WRNIP1: variants seen among roughly 807,000 people sequenced by gnomAD.
WRNIP1 encodes the protein ATPase WRNIP1.
A neutral mutation model predicts 56.1 loss-of-function variants in WRNIP1; 41 were observed. That is an observed-to-expected ratio of 0.73 (90% CI 0.57 to 0.95). The LOEUF is 0.95. Ranked by LOEUF, WRNIP1 falls within the 40% of genes least tolerant of loss-of-function variation. The probability of loss-of-function intolerance (pLI) is 0.00; values close to 1 mark genes in which losing one functional copy is unlikely to be tolerated. For missense variants in WRNIP1, 1,170 were observed against 939.4 expected, an observed-to-expected ratio of 1.25 and a Z score of -3.21; for synonymous variants, 547 against 398.1, an observed-to-expected ratio of 1.37 and a Z score of -4.45.
rs767089025 is a variant in WRNIP1, at chr6:2,765,669, A to G, written c.47A>G (p.His16Arg). The stretch of plus-strand genomic sequence containing the variant: ...GACGACCCCTTCCTTTCGCAGCTGC[A>G]CCAGGTGCAGTGCCCCGTGTGCCAG... ...PEDDPFLSQLHQVQCPVCQQM... is the reference protein window; with the variant it reads ...PEDDPFLSQLRQVQCPVCQQM... Residue 16 changes from histidine to arginine, a missense_variant, in exon 1 of 7, where the codon CAC (histidine) becomes CGC (arginine). His to Arg is a conservative substitution (Grantham distance 29). Coordinates refer to ENST00000380773, the MANE Select transcript of WRNIP1 (RefSeq NM_020135.3). 1 of 1,552,584 alleles carries G rather than the reference A, an allele frequency of 6.4e-7. No individual in the cohort carries two copies. The highest frequency in any genetic ancestry group is 8.6e-7 in the Non-Finnish European group (1 of 1,157,592).
chr6:2,768,517 G>T (rs940818477), intron 1 of WRNIP1, among the ~76,000 whole-genome samples, 174 bp from the exon 2 acceptor site: 14 of 152,182 alleles, frequency 9.2e-5, no homozygotes, highest in Non-Finnish European at 1.6e-4. Context: ...TATTTTTGTT[G>T]TTGTTGTTTT....
At chr6:2,779,173 C>A in intron 3 of WRNIP1, 90 bp from the exon 4 acceptor site, 1 of 1,357,054 alleles carries the variant, frequency 7.4e-7, no homozygotes, top group Non-Finnish European at 1.0e-6. Context: ...CTTCAGTGTC[C>A]TTGCTGAGAA....
chr6:2,768,908 G>T (rs1161755942), intron 2 of WRNIP1, 26 bp downstream of exon 2: 9 of 1,585,076 alleles, frequency 5.7e-6, no homozygotes, highest in Non-Finnish European at 7.7e-6. Context: ...TCTACCTTTT[G>T]GTCGTTGTGA....
chr6:2,766,514 C>T (rs1389538743), intron 1 of WRNIP1, 70 bp downstream of exon 1: 24 of 1,434,378 alleles, frequency 1.7e-5, no homozygotes, highest in African/African-American at 2.8e-5. Context: ...GGTCGGAGAG[C>T]CGGGTGTGCT....
chr6:2,781,491 T>G (rs964941800), intron 4 of WRNIP1, among the ~76,000 whole-genome samples: 2 of 152,206 alleles, frequency 1.3e-5, no homozygotes, highest in African/African-American at 4.8e-5. Flanking sequence ...CCTGGAAACC[T>G]GTTAGCTTAT....
intron 3 of WRNIP1, among the ~76,000 whole-genome samples, chr6:2,778,164 C>T (rs576499179): frequency 6.6e-6 from 1 of 152,148 alleles, no homozygotes; most frequent in Non-Finnish European, 1.5e-5. Flanking sequence ...GCTGGGTCCC[C>T]TTCGGAAACT....
chr6:2,766,137 GCGATGGCGA>G lies in WRNIP1; in HGVS notation c.518_526del (p.Asp173_Asp175del). 1 of 1,241,114 alleles carries G rather than the reference GCGATGGCGA, an allele frequency of 8.1e-7. No homozygotes were observed. Among genetic ancestry groups the G allele is most frequent in the South Asian group, 2.2e-5 (1 of 45,224 alleles). The allele number at this position is 1,241,114 out of a possible 1,614,324, so 76.9% of individuals were successfully genotyped here. ...GAGGAGGAGGAGGCCGTGGGCGACGGCGATGGCGACGGGGACGCGGACGCGGACGGCGAG... is the reference window on the plus strand; with the variant it reads ...GAGGAGGAGGAGGCCGTGGGCGACGGCGGGGACGCGGACGCGGACGGCGAG... On this transcript the variant is annotated inframe_deletion, in exon 1 of 7. Transcript: ENST00000380773.
At chr6:2,782,129 C>T (rs773274283) in intron 4 of WRNIP1, among the ~76,000 whole-genome samples, 4 of 152,252 alleles carry the variant, frequency 2.6e-5, no homozygotes, top group Non-Finnish European at 5.9e-5. Flanking sequence ...CTACCCTCTT[C>T]CCCGCCTTCC....
At chr6:2,775,999 A>AAT (rs933658675) in intron 3 of WRNIP1, among the ~76,000 whole-genome samples, 1 of 152,178 alleles carries the variant, frequency 6.6e-6, no homozygotes, top group East Asian at 1.9e-4. Flanking sequence ...ACACTTTATA[A>AAT]ATATATGCTT....
chr6:2,765,408 C>T lies in WRNIP1; in HGVS notation c.-215C>T, dbSNP rs1298690459. 6.8e-6 allele frequency: 3 copies of T among 441,112 alleles called. No individual in the cohort carries two copies. Among genetic ancestry groups the T allele is most frequent in the East Asian group, 4.8e-5 (1 of 20,970 alleles). 27.3% of individuals were successfully genotyped at this position (441,112 alleles called of 1,614,324 possible). ...GCCACGAACTACACTTCCCGACACG[C>T]CGCGTGAGGCGCTGCCAGCGGCCGG... On this transcript the variant is annotated 5_prime_UTR_variant, in exon 1 of 7. Transcript: ENST00000380773.
At position 2,779,384 on chromosome 6, in the gene WRNIP1, A is replaced by C; in HGVS notation, c.1378A>C (p.Met460Leu). ...AVLARLSSRKMFCKKSGQSYS... is the reference protein window; with the variant it reads ...AVLARLSSRKLFCKKSGQSYS... Reference sequence around the variant, plus strand: ...GCTGGCTAGGTTAAGCTCTAGGAAGATGTTCTGTAAGAAGAGTGGGCAATC... The same window carrying C: ...GCTGGCTAGGTTAAGCTCTAGGAAGCTGTTCTGTAAGAAGAGTGGGCAATC... The change falls in exon 4 of 7, where the codon ATG becomes CTG. Residue 460 changes from methionine (M) to leucine (L), a missense_variant. Physicochemically the swap from Met to Leu is conservative, Grantham distance 15. Transcript: ENST00000380773. 6.2e-7 allele frequency: 1 copy of C among 1,614,182 alleles called. No individual in the cohort carries two copies. The highest frequency in any genetic ancestry group is 8.5e-7 in the Non-Finnish European group (1 of 1,180,040).
At chr6:2,778,615 G>A (rs948824004) in intron 3 of WRNIP1, among the ~76,000 whole-genome samples, 1 of 152,136 alleles carries the variant, frequency 6.6e-6, no homozygotes, top group Non-Finnish European at 1.5e-5. Flanking sequence ...TACCCTGTGC[G>A]GATTTTGCAT....
At chr6:2,774,767 C>G (rs1402430706) in intron 3 of WRNIP1, among the ~76,000 whole-genome samples, 10 of 152,204 alleles carry the variant, frequency 6.6e-5, no homozygotes. Flanking sequence ...AATGTACCTT[C>G]TCTCTTTGTG....
intron 3 of WRNIP1, chr6:2,773,933 C>T (rs1331461431): frequency 1.0e-6 from 1 of 985,110 alleles, no homozygotes; most frequent in South Asian, 4.7e-5. Flanking sequence ...TGTGGCGTAA[C>T]TGGGTGTGGG....
intron 3 of WRNIP1, among the ~76,000 whole-genome samples, chr6:2,777,218 T>C (rs1183638714): frequency 6.6e-6 from 1 of 152,226 alleles, no homozygotes; most frequent in African/African-American, 2.4e-5. Context: ...TCTGAGATTA[T>C]GATAAAACTG....
chr6:2,783,828 C>G (rs1413951156), intron 5 of WRNIP1, among the ~76,000 whole-genome samples: 1 of 151,930 alleles, frequency 6.6e-6, no homozygotes, highest in Non-Finnish European at 1.5e-5. Context: ...AATGTTTTTA[C>G]TAACATGAGT....
Position 2,768,958 on chromosome 6 carries a change from C to A in WRNIP1, c.1014+76C>A, listed in dbSNP as rs1270381294. The A allele has an allele frequency of 1.5e-5, 21 of 1,416,004 alleles. No homozygotes were observed. In the South Asian group the frequency reaches 2.7e-4, roughly 18 times the overall value. The allele number at this position is 1,416,004 out of a possible 1,614,324, so 87.7% of individuals were successfully genotyped here. A position where few individuals can be genotyped will look rare whatever the true frequency, so the allele number is the denominator to read the frequency against. ...AAAGTGTGTGAGATCACTATACAAA[C>A]GCTAGAGACTTACGAGCTTTGTTTA... On this transcript the variant is annotated intron_variant, in intron 2 of 6. Coordinates refer to ENST00000380773, the MANE Select transcript of WRNIP1 (RefSeq NM_020135.3).
intron 4 of WRNIP1, among the ~76,000 whole-genome samples, chr6:2,780,298 C>CA (rs1191557050): frequency 6.6e-6 from 1 of 152,236 alleles, no homozygotes; most frequent in Non-Finnish European, 1.5e-5. Context: ...TTCCTGATCT[C>CA]ACGTAGGCTG....
chr6:2,784,439 T>C, intron 6 of WRNIP1, 36 bp downstream of exon 6: 1 of 1,600,326 alleles, frequency 6.2e-7, no homozygotes, highest in Non-Finnish European at 8.6e-7. Flanking sequence ...AAATCACTTC[T>C]TTTCTCTCTC....
Sources: gnomAD v4.1 joint callset for allele counts (sites outside exome capture counted in the v4.1 genomes callset) on GRCh38, gnomAD v4.1.1 for gene constraint, MANE v1.5 for transcripts, NCBI Gene and HGNC (gene_info 2026-07-23, HGNC 2026-07-21) for gene names.